Variants in ATG5 observed in about 807,000 individuals in gnomAD.
ATG5 encodes autophagy related 5.
In ATG5, 14 loss-of-function variants were observed where a neutral mutation model predicts 36.5. The observed-to-expected ratio is 0.38, with a 90% CI of 0.25 to 0.60. ATG5 has a LOEUF of 0.60. ATG5 is among the 20% of genes least tolerant of loss of function. ATG5 has a pLI of 0.60. For missense variants in ATG5, 195 were observed against 326.7 expected (o/e 0.60, Z 3.11); for synonymous variants, 95 against 101.5 (o/e 0.94, Z 0.38).
At chr6:106,189,370 C>G (rs1447154474) in intron 7 of ATG5, among the ~76,000 whole-genome samples, 1 of 151,950 alleles carries the variant, frequency 6.6e-6, no homozygotes, top group African/African-American at 2.4e-5. Flanking sequence ...TTTGGGAGGT[C>G]AAGGTGGGAG....
intron 3 of ATG5, among the ~76,000 whole-genome samples, chr6:106,303,200 A>T (rs1770285885): frequency 6.6e-6 from 1 of 151,862 alleles, no homozygotes; most frequent in Non-Finnish European, 1.5e-5. Flanking sequence ...AATAAGTAAA[A>T]TTGGTAAACC....
chr6:106,301,411 T>C (rs987282446), intron 3 of ATG5, among the ~76,000 whole-genome samples: 2 of 151,990 alleles, frequency 1.3e-5, no homozygotes, highest in Non-Finnish European at 2.9e-5. Flanking sequence ...GAGAAAAATT[T>C]TTAAACAAAA....
chr6:106,241,385 A>G (rs1398108051), intron 6 of ATG5, among the ~76,000 whole-genome samples: 1 of 152,214 alleles, frequency 6.6e-6, no homozygotes, highest in Non-Finnish European at 1.5e-5. Context: ...ACCTTTGTGC[A>G]CTGTTGGTGG....
At chr6:106,302,176 A>G (rs1770240238) in intron 3 of ATG5, among the ~76,000 whole-genome samples, 1 of 152,118 alleles carries the variant, frequency 6.6e-6, no homozygotes, top group African/African-American at 2.4e-5. Context: ...GGAATATATG[A>G]ATGAATAATT....
intron 6 of ATG5, among the ~76,000 whole-genome samples, chr6:106,237,751 T>C (rs1202217541): frequency 6.6e-6 from 1 of 152,212 alleles, no homozygotes; most frequent in African/African-American, 2.4e-5. Context: ...TTATAGTACA[T>C]CATATTACGA....
intron 2 of ATG5, among the ~76,000 whole-genome samples, chr6:106,311,266 G>A (rs1770635516): frequency 6.6e-6 from 1 of 152,148 alleles, no homozygotes; most frequent in Non-Finnish European, 1.5e-5. Context: ...AGGTTAGACA[G>A]CAAAAAAGAT....
At chr6:106,299,701 T>C (rs1364348006) in intron 3 of ATG5, among the ~76,000 whole-genome samples, 6 of 152,246 alleles carry the variant, frequency 3.9e-5, no homozygotes, top group South Asian at 2.1e-4. Flanking sequence ...TGTGTGCACA[T>C]TGGCACATGG....
intron 5 of ATG5, among the ~76,000 whole-genome samples, chr6:106,249,052 A>C (rs1033387455): frequency 6.6e-6 from 1 of 152,256 alleles, no homozygotes; most frequent in African/African-American, 2.4e-5. Flanking sequence ...TGAAGTGCCA[A>C]CTGCAGCTTA....
chr6:106,208,646 C>G (rs1776732800), intron 6 of ATG5, among the ~76,000 whole-genome samples: 2 of 151,690 alleles, frequency 1.3e-5, no homozygotes, highest in African/African-American at 4.8e-5. Flanking sequence ...AAAGGGAATA[C>G]TAATAAATAG....
chr6:106,286,010 A>G (rs1307040671), intron 4 of ATG5, among the ~76,000 whole-genome samples: 1 of 152,056 alleles, frequency 6.6e-6, no homozygotes, highest in Admixed American at 6.5e-5. Context: ...GGAATCCAAC[A>G]TTTCCCAGCA....
At chr6:106,276,546 C>T (rs1177376443) in intron 5 of ATG5, among the ~76,000 whole-genome samples, 1 of 151,902 alleles carries the variant, frequency 6.6e-6, no homozygotes, top group Non-Finnish European at 1.5e-5. Flanking sequence ...AAAAACCAGG[C>T]CTTTGTTGTT....
At chr6:106,272,598 A>G (rs1045305012) in intron 5 of ATG5, among the ~76,000 whole-genome samples, 7 of 152,190 alleles carry the variant, frequency 4.6e-5, no homozygotes, top group Non-Finnish European at 1.0e-4. Context: ...TAAATGTAAC[A>G]ATTACGTAAA....
At chr6:106,285,705 A>G (rs371464219) in intron 4 of ATG5, among the ~76,000 whole-genome samples, 6 of 152,254 alleles carry the variant, frequency 3.9e-5, no homozygotes, top group Non-Finnish European at 8.8e-5. Context: ...GTCATAGACA[A>G]TATGTATATG....
At chr6:106,278,550 G>A (rs2114598336) in intron 5 of ATG5, among the ~76,000 whole-genome samples, 2 of 152,158 alleles carry the variant, frequency 1.3e-5, no homozygotes, top group South Asian at 2.1e-4. Context: ...TCCTCAGTAA[G>A]TTCCCCTGGC....
At position 106,308,345 on chromosome 6, in the gene ATG5, T is replaced by C. The variant is rs954118764; in HGVS notation, c.236+19A>G. On this transcript the variant is annotated intron_variant, in intron 3 of 7. Transcript: ENST00000369076. Reference sequence around the variant, plus strand: ...CTAGTATATACTTAATGCTTAATAATGCAGAAAAATTCACTCACCATTTCA... The same window carrying C: ...CTAGTATATACTTAATGCTTAATAACGCAGAAAAATTCACTCACCATTTCA... The C allele has an allele frequency of 2.6e-5, 40 of 1,545,686 alleles. No individual in the cohort carries two copies. Among genetic ancestry groups the C allele is most frequent in the Non-Finnish European group, 3.4e-5 (39 of 1,152,620 alleles).
intron 6 of ATG5, among the ~76,000 whole-genome samples, chr6:106,214,981 ATAGTT>A (rs1288465477): frequency 6.6e-6 from 1 of 152,224 alleles, no homozygotes; most frequent in Non-Finnish European, 1.5e-5. Context: ...CAAGGGAAGT[ATAGTT>A]TAAATTTCAT....
chr6:106,297,141 T>C (rs1466330498), intron 3 of ATG5, among the ~76,000 whole-genome samples: 4 of 152,168 alleles, frequency 2.6e-5, no homozygotes, highest in Non-Finnish European at 5.9e-5. Flanking sequence ...GAACACATGG[T>C]AATCTTAACA....
intron 2 of ATG5, among the ~76,000 whole-genome samples, chr6:106,311,192 A>G (rs1035524361): frequency 2.0e-5 from 3 of 152,226 alleles, no homozygotes; most frequent in African/African-American, 4.8e-5. Flanking sequence ...GTAAAGCATC[A>G]TACTAGGCAA....
At chr6:106,277,607 G>T (rs1281054569) in intron 5 of ATG5, among the ~76,000 whole-genome samples, 1 of 152,224 alleles carries the variant, frequency 6.6e-6, no homozygotes, top group African/African-American at 2.4e-5. Flanking sequence ...TTGAGGCCAG[G>T]AATTCGAGAC....
Sources: allele counts gnomAD v4.1 joint callset (sites outside exome capture counted in the v4.1 genomes callset), GRCh38; gene constraint gnomAD v4.1.1; transcripts MANE v1.5; gene names NCBI Gene and HGNC (gene_info 2026-07-23, HGNC 2026-07-21).